Variants in HORMAD2 observed in about 807,000 individuals in gnomAD.
HORMAD2 encodes the protein HORMA domain-containing protein 2.
In HORMAD2, 45 loss-of-function variants were observed where a neutral mutation model predicts 38.8. That is an observed-to-expected ratio of 1.16 (90% confidence interval 0.91 to 1.49). HORMAD2 has a LOEUF of 1.49. Ranked by LOEUF, HORMAD2 falls within the 40% of genes most tolerant of loss-of-function variation. The pLI, the probability that HORMAD2 is intolerant of heterozygous loss-of-function variation, is 0.00. For synonymous variants in HORMAD2, 126 were observed against 122.8 expected, an observed-to-expected ratio of 1.03 and a Z score of -0.17; for missense variants, 338 against 367.0, an observed-to-expected ratio of 0.92 and a Z score of 0.65.
At chr22:30,088,065 A>C (rs763762582) in intron 1 of HORMAD2, among the ~76,000 whole-genome samples, 3 of 87,218 alleles carry the variant, frequency 3.4e-5, no homozygotes, top group African/African-American at 9.6e-5. Context: ...GTATACATAT[A>C]CACACACGTA....
chr22:30,165,973 T>C (rs558262445), intron 10 of HORMAD2, among the ~76,000 whole-genome samples: 10 of 151,202 alleles, frequency 6.6e-5, no homozygotes, highest in Non-Finnish European at 1.5e-4. Context: ...TTATTCTTTT[T>C]CTTTATTCTT....
intron 1 of HORMAD2, among the ~76,000 whole-genome samples, chr22:30,082,917 A>T (rs2068510014): frequency 6.6e-6 from 1 of 152,230 alleles, no homozygotes; most frequent in African/African-American, 2.4e-5. Flanking sequence ...AAGAGCATAG[A>T]AATATTGCCT....
chr22:30,159,792 A>C (rs1925330481), intron 10 of HORMAD2, among the ~76,000 whole-genome samples: 1 of 152,048 alleles, frequency 6.6e-6, no homozygotes, highest in South Asian at 2.1e-4. Context: ...TGTGAGCTGC[A>C]GGAGGGCTTT....
chr22:30,110,196 A>G (rs1921521331), intron 5 of HORMAD2, among the ~76,000 whole-genome samples: 1 of 152,184 alleles, frequency 6.6e-6, no homozygotes, highest in Non-Finnish European at 1.5e-5. Flanking sequence ...TACACATTAT[A>G]TACAGGTATC....
At chr22:30,171,289 A>G (rs1926094110) in intron 10 of HORMAD2, among the ~76,000 whole-genome samples, 2 of 152,200 alleles carry the variant, frequency 1.3e-5, no homozygotes, top group South Asian at 4.1e-4. Context: ...ACAGATAGCC[A>G]CTGATTCAGC....
intron 10 of HORMAD2, among the ~76,000 whole-genome samples, chr22:30,154,307 T>G (rs1924936345): frequency 6.6e-6 from 1 of 152,256 alleles, no homozygotes; most frequent in South Asian, 2.1e-4. Flanking sequence ...TCTACATTTT[T>G]GTATAAGTTT....
intron 10 of HORMAD2, among the ~76,000 whole-genome samples, chr22:30,174,890 C>T (rs114387849): frequency 0.013 from 2,018 of 152,024 alleles, 47 homozygotes; most frequent in African/African-American, 0.046. Context: ...TGTAAGTAAA[C>T]GAGTTATTTG....
At chr22:30,198,067 C>T in the HORMAD2 span, among the ~76,000 whole-genome samples, 1 of 151,960 alleles carries the variant, frequency 6.6e-6, no homozygotes, top group African/African-American at 2.4e-5. Context: ...ACTGGTAATC[C>T]CAGCTACTCC....
chr22:30,155,010 G>A (rs1727400716), intron 10 of HORMAD2, among the ~76,000 whole-genome samples: 1 of 151,658 alleles, frequency 6.6e-6, no homozygotes, highest in Admixed American at 6.6e-5. Context: ...TTTTAAGGTT[G>A]CAGTGAGAGC....
At chr22:30,190,130 AT>A in the HORMAD2 span, among the ~76,000 whole-genome samples, 6 of 152,292 alleles carry the variant, frequency 3.9e-5, no homozygotes, top group African/African-American at 1.4e-4. Context: ...CACCTGTGAA[AT>A]GGGGATAATC....
chr22:30,139,247 AACTGTAC>A (rs1923886819), intron 10 of HORMAD2, among the ~76,000 whole-genome samples: 1 of 84,008 alleles, frequency 1.2e-5, no homozygotes, highest in African/African-American at 6.2e-5. Context: ...TATATATATG[AACTGTAC>A]TATATATATA....
intron 7 of HORMAD2, among the ~76,000 whole-genome samples, chr22:30,115,922 C>T (rs183283735): frequency 6.6e-6 from 1 of 152,118 alleles, no homozygotes; most frequent in African/African-American, 2.4e-5. Flanking sequence ...CTGTGAAGGG[C>T]AATGGCATGT....
the HORMAD2 span, among the ~76,000 whole-genome samples, chr22:30,201,038 C>G: frequency 2.0e-5 from 3 of 152,168 alleles, no homozygotes; most frequent in Non-Finnish European, 4.4e-5. Flanking sequence ...GCGTGAGCCA[C>G]CACGCCCGGC....
At chr22:30,195,949 A>G in the HORMAD2 span, among the ~76,000 whole-genome samples, 1 of 152,238 alleles carries the variant, frequency 6.6e-6, no homozygotes, top group Non-Finnish European at 1.5e-5. Flanking sequence ...AAGGGAAAAC[A>G]TGTGTTTCAC....
chr22:30,188,912 G>C, the HORMAD2 span, among the ~76,000 whole-genome samples: 1 of 152,090 alleles, frequency 6.6e-6, no homozygotes, highest in East Asian at 1.9e-4. Flanking sequence ...AAAGAGGGCA[G>C]ATTGCTTGAG....
chr22:30,128,049 T>C (rs967512130), intron 10 of HORMAD2, among the ~76,000 whole-genome samples: 3 of 152,214 alleles, frequency 2.0e-5, no homozygotes, highest in Non-Finnish European at 4.4e-5. Context: ...CTCCAGTTTG[T>C]CTTCCAGGGT....
chr22:30,080,018 G>A (rs1301521834), upstream of HORMAD2: 1 of 152,496 alleles, frequency 6.6e-6, no homozygotes, highest in Non-Finnish European at 1.5e-5. Context: ...GGGCCCCCCA[G>A]GCTCTCGCTT....
rs531367323 is a variant in HORMAD2, at chr22:30,090,744, GAC to G, written c.-37-3166_-37-3165del. Among the ~76,000 whole-genome samples, 64 of 152,124 alleles carry G rather than the reference GAC, an allele frequency of 4.2e-4. 1 individual carries two copies. Among genetic ancestry groups the G allele is most frequent in the African/African-American group, 1.1e-3 (46 of 41,498 alleles). Reference sequence around the variant, plus strand: ...ATAATCATTTATAAAATTTTTAATTGACACACAGTAATTGTACATATTTATGG... The same window carrying G: ...ATAATCATTTATAAAATTTTTAATTGACACAGTAATTGTACATATTTATGG... On this transcript the variant is annotated intron_variant, in intron 1 of 10. Transcript: ENST00000336726.
At chr22:30,095,321 A>G (rs944019516) in intron 2 of HORMAD2, among the ~76,000 whole-genome samples, 1 of 152,230 alleles carries the variant, frequency 6.6e-6, no homozygotes, top group African/African-American at 2.4e-5. Context: ...AAATGAAAAT[A>G]TCTTCAAAAT....
Sources: gnomAD v4.1 joint callset for allele counts (sites outside exome capture counted in the v4.1 genomes callset) on GRCh38, gnomAD v4.1.1 for gene constraint, MANE v1.5 for transcripts, NCBI Gene and HGNC (gene_info 2026-07-23, HGNC 2026-07-21) for gene names.